Variants in KANSL1 observed in about 807,000 individuals in gnomAD.
KANSL1 encodes the protein MLL1/MLL complex subunit KANSL1.
In KANSL1, 22 loss-of-function variants were observed where a neutral mutation model predicts 103.6. The ratio of observed to expected loss-of-function variants is 0.21; its 90% CI spans 0.15 to 0.30. The LOEUF (loss-of-function observed/expected upper bound fraction) is 0.30, where lower values mean the gene tolerates loss of function less well. Among genes scored for constraint, KANSL1 ranks in the 10% least tolerant of loss-of-function variants. The pLI, the probability that KANSL1 is intolerant of heterozygous loss-of-function variation, is 1.00. For synonymous variants in KANSL1, 600 were observed against 527.6 expected (o/e 1.14, Z -1.88); for missense variants, 1,337 against 1,399.8 (o/e 0.96, Z 0.72).
chr17:46,104,098 AT>A (rs899924468), intron 2 of KANSL1, among the ~76,000 whole-genome samples: 2 of 152,192 alleles, frequency 1.3e-5, no homozygotes, highest in African/African-American at 2.4e-5. Context: ...CAGCTGATAA[AT>A]TTTTTTTGTA....
intron 1 of KANSL1, among the ~76,000 whole-genome samples, chr17:46,205,773 C>A (rs2732671): frequency 0.15 from 21,902 of 150,084 alleles, 2,159 homozygotes; most frequent in Middle Eastern, 0.22. Context: ...AAAGAAGTTA[C>A]AGAAATCCTA....
At chr17:46,166,794 C>G (rs192767629) in intron 2 of KANSL1, among the ~76,000 whole-genome samples, 7 of 152,242 alleles carry the variant, frequency 4.6e-5, no homozygotes, top group Admixed American at 4.6e-4. Context: ...ACCTAGTGAA[C>G]AATTACAGCA....
At chr17:46,033,274 T>C (rs1452304339) in intron 12 of KANSL1, 82 bp from the exon 13 acceptor site, 1 of 1,435,512 alleles carries the variant, frequency 7.0e-7, no homozygotes, top group African/African-American at 1.4e-5. Context: ...TTCTTCCCGG[T>C]CACGACAGGA....
intron 2 of KANSL1, among the ~76,000 whole-genome samples, chr17:46,095,250 G>A (rs1401595525): frequency 3.9e-5 from 6 of 152,160 alleles, no homozygotes; most frequent in East Asian, 3.8e-4. Context: ...TTAGGATGGC[G>A]ATTCTCATGA....
chr17:46,148,301 G>A (rs1219333110), intron 2 of KANSL1: 3 of 152,204 alleles, frequency 2.0e-5, no homozygotes, highest in Non-Finnish European at 4.4e-5. Context: ...GGGAGAGGAG[G>A]AACATAAATC....
chr17:46,099,323 CAA>C (rs5820610), intron 2 of KANSL1, among the ~76,000 whole-genome samples: 2 of 61,058 alleles, frequency 3.3e-5, no homozygotes, highest in African/African-American at 4.9e-5. Flanking sequence ...GACTCCGTCT[CAA>C]AAAAAAAAAA....
chr17:46,081,759 T>C (rs2078996721), intron 4 of KANSL1, among the ~76,000 whole-genome samples: 1 of 152,238 alleles, frequency 6.6e-6, no homozygotes, highest in Non-Finnish European at 1.5e-5. Flanking sequence ...ATCTGAAGCA[T>C]AATCAAAATA....
At chr17:46,062,114 C>CAAAA (rs1192815524) in intron 6 of KANSL1, among the ~76,000 whole-genome samples, 26 of 37,098 alleles carry the variant, frequency 7.0e-4, no homozygotes, top group African/African-American at 1.2e-3. Context: ...AAAAAACAAA[C>CAAAA]AAACAAAAAA....
intron 2 of KANSL1, among the ~76,000 whole-genome samples, chr17:46,134,135 C>T (rs906743495): frequency 1.3e-5 from 2 of 152,228 alleles, no homozygotes; most frequent in Admixed American, 6.5e-5. Context: ...TGGTGGCTCA[C>T]GCCTGTACTC....
At chr17:46,124,564 T>C (rs1055681690) in intron 2 of KANSL1, among the ~76,000 whole-genome samples, 4 of 152,232 alleles carry the variant, frequency 2.6e-5, no homozygotes, top group African/African-American at 9.6e-5. Flanking sequence ...TCTGTAAGGC[T>C]ATAGCTGCCA....
At chr17:46,130,178 T>G (rs1240581324) in intron 2 of KANSL1, among the ~76,000 whole-genome samples, 1 of 87,206 alleles carries the variant, frequency 1.1e-5, no homozygotes, top group Non-Finnish European at 2.6e-5. Context: ...AAGAATGAGA[T>G]CCTGTCTCCA....
intron 2 of KANSL1, among the ~76,000 whole-genome samples, chr17:46,143,262 G>A (rs1180174618): frequency 6.6e-6 from 1 of 152,216 alleles, no homozygotes; most frequent in African/African-American, 2.4e-5. Context: ...GGGAGGCCGA[G>A]GCAGGTGGAT....
chr17:46,172,251 A>G lies in KANSL1; in HGVS notation c.-89-19T>C. 1 of 1,083,682 alleles carries G rather than the reference A, an allele frequency of 9.2e-7. No homozygotes were observed. Among genetic ancestry groups the G allele is most frequent in the Non-Finnish European group, 1.3e-6 (1 of 776,818 alleles). The allele number at this position is 1,083,682 out of a possible 1,614,324, so 67.1% of individuals were successfully genotyped here. Reference sequence around the variant, plus strand: ...GAACAGACTAGAAGAGAAAGGAGAAAAGAATATTAGAAATACAAGCACTTT... The same window carrying G: ...GAACAGACTAGAAGAGAAAGGAGAAGAGAATATTAGAAATACAAGCACTTT... On this transcript the variant is annotated intron_variant, in intron 1 of 14. Coordinates refer to ENST00000432791, the MANE Select transcript of KANSL1 (RefSeq NM_015443.4).
intron 2 of KANSL1, among the ~76,000 whole-genome samples, chr17:46,139,066 T>C (rs2044290680): frequency 2.0e-5 from 3 of 152,198 alleles, no homozygotes; most frequent in Non-Finnish European, 4.4e-5. Context: ...CTAGTGCCAA[T>C]TCATTAAAAA....
At chr17:46,155,221 C>G (rs1368871871) in intron 2 of KANSL1, among the ~76,000 whole-genome samples, 1 of 144,006 alleles carries the variant, frequency 6.9e-6, no homozygotes, top group East Asian at 2.0e-4. Flanking sequence ...GTAGTGTTGC[C>G]ATCTCGGCTC....
chr17:46,169,361 G>A lies in KANSL1; in HGVS notation c.1289+1494C>T, dbSNP rs915371857. Among the ~76,000 whole-genome samples the A allele has an allele frequency of 1.2e-4, 18 of 152,110 alleles. No individual in the cohort carries two copies. The East Asian group carries it at 3.3e-3, about 28-fold the overall frequency. On this transcript the variant is annotated intron_variant, in intron 2 of 14. Transcript: ENST00000432791. ...ATAATAGAACTAGGTCTACAAGGAA[G>A]AAATTCAGCAAAAATTATCCATTTC... is the stretch of plus-strand genomic sequence containing the variant.
chr17:46,062,943 G>C (rs550426135), intron 6 of KANSL1, among the ~76,000 whole-genome samples: 2 of 152,170 alleles, frequency 1.3e-5, no homozygotes, highest in Admixed American at 1.3e-4. Flanking sequence ...CCAGCTACTC[G>C]GGAGAATGAG....
At chr17:46,071,973 GCTCCCCCCACCC>G (rs61415236) in intron 4 of KANSL1, among the ~76,000 whole-genome samples, 3,482 of 147,740 alleles carry the variant, frequency 0.024, 145 homozygotes, top group African/African-American at 0.079. Context: ...TTGCTGAATT[GCTCCCCCCACCC>G]CTCCCCCCGC....
intron 4 of KANSL1, among the ~76,000 whole-genome samples, chr17:46,072,274 C>A (rs546367403): frequency 1.3e-5 from 2 of 152,218 alleles, no homozygotes; most frequent in South Asian, 4.1e-4. Flanking sequence ...TAAAAGCACA[C>A]AATAAAATTA....
Sources: allele counts gnomAD v4.1 joint callset (sites outside exome capture counted in the v4.1 genomes callset), GRCh38; gene constraint gnomAD v4.1.1; transcripts MANE v1.5; gene names NCBI Gene and HGNC (gene_info 2026-07-23, HGNC 2026-07-21).